Variants in SLC25A30 observed in about 807,000 individuals in gnomAD.
SLC25A30 encodes solute carrier family 25 member 30, also known as kidney mitochondrial carrier protein 1.
A neutral mutation model predicts 42.7 loss-of-function variants in SLC25A30; 29 were observed. That is an observed-to-expected ratio of 0.68 (90% confidence interval 0.51 to 0.93). The LOEUF (loss-of-function observed/expected upper bound fraction) is 0.93. SLC25A30 is among the 40% of genes least tolerant of loss of function. The pLI, the probability that SLC25A30 is intolerant of heterozygous loss-of-function variation, is 0.00. For synonymous variants in SLC25A30, 124 were observed against 131.0 expected (o/e 0.95, Z 0.37); for missense variants, 300 against 359.7 (o/e 0.83, Z 1.34).
chr13:45,395,922 C>T lies in SLC25A30; in HGVS notation c.*52G>A, dbSNP rs372704862. The T allele has an allele frequency of 1.7e-5, 28 of 1,613,898 alleles. No individual in the cohort carries two copies. The highest frequency in any genetic ancestry group is 2.4e-5 in the Non-Finnish European group (28 of 1,179,976). On this transcript the variant is annotated 3_prime_UTR_variant, in exon 10 of 10. Transcript: ENST00000519676. ...GCAGAGTGAAACACAGGAAGCTTTG[C>T]TGTTTCAGAAGTTACCATTTTCAGA...
At chr13:45,406,360 C>CT (rs1381517698) in intron 3 of SLC25A30, among the ~76,000 whole-genome samples, 2 of 152,226 alleles carry the variant, frequency 1.3e-5, no homozygotes, top group Non-Finnish European at 2.9e-5. Context: ...GCATGAGCCA[C>CT]TGCACCCGGC....
chr13:45,396,940 G>A (rs973159996), intron 9 of SLC25A30: 2 of 279,010 alleles, frequency 7.2e-6, no homozygotes, highest in African/African-American at 4.6e-5. Context: ...TTCCCAAGGT[G>A]GCTAGGGCTA....
At chr13:45,396,148 A>G in intron 9 of SLC25A30, 133 bp from the exon 10 acceptor site, 1 of 1,579,784 alleles carries the variant, frequency 6.3e-7, no homozygotes, top group East Asian at 2.3e-5. Context: ...CGATTAAATA[A>G]AAGGGGTTCC....
At chr13:45,400,921 T>A (rs188475892) in intron 7 of SLC25A30, among the ~76,000 whole-genome samples, 162 bp downstream of exon 7, 1 of 152,222 alleles carries the variant, frequency 6.6e-6, no homozygotes, top group Admixed American at 6.5e-5. Context: ...GGAAGATACA[T>A]ATCAAACTGT....
the SLC25A30 span, among the ~76,000 whole-genome samples, chr13:45,425,645 T>C: frequency 9.1e-6 from 1 of 110,130 alleles, no homozygotes; most frequent in Non-Finnish European, 1.9e-5. Flanking sequence ...TATAAATATA[T>C]ATATAAGTAT....
At position 45,402,324 on chromosome 13, in the gene SLC25A30, C is replaced by T; in HGVS notation, c.440G>A (p.Gly147Asp). The change falls in exon 6 of 10, where the codon GGC becomes GAC. Residue 147 changes from glycine (G) to aspartate (D), a missense_variant. Physicochemically the swap from Gly to Asp is moderately conservative, Grantham distance 94. Transcript: ENST00000519676. ...TTGCTGGTAAATGTTCATGAAGTTG[C>T]CTATCATTCCTCCTTGAATGGTGTT... is the stretch of plus-strand genomic sequence containing the variant. ...QSNTIQGGMI[G>D]NFMNIYQQEG... 10 of 1,614,040 alleles carry T rather than the reference C, an allele frequency of 6.2e-6. No homozygotes were observed. Among genetic ancestry groups the T allele is most frequent in the Non-Finnish European group, 8.5e-6 (10 of 1,179,988 alleles).
rs764540042 is a variant in SLC25A30, at chr13:45,396,760, AAGACTC to A, written c.834+492_834+497del. 124 of 159,860 alleles carry A rather than the reference AAGACTC, an allele frequency of 7.8e-4. 1 individual carries two copies. The highest frequency in any genetic ancestry group is 1.0e-3 in the Non-Finnish European group (76 of 73,734). The allele number at this position is 159,860 out of a possible 1,614,324, so 9.9% of individuals were successfully genotyped here. On this transcript the variant is annotated intron_variant, in intron 9 of 9. Transcript: ENST00000519676. ...GTACTCCAGCCTGGGCGACAGAGTA[AAGACTC>A]AGTCTCAAAAACAAAAAAAAAGTTA...
At position 45,394,125 on chromosome 13, in the gene SLC25A30, G is replaced by C; in HGVS notation, c.*1849C>G. On this transcript the variant is annotated 3_prime_UTR_variant, in exon 10 of 10. Coordinates refer to ENST00000519676, the MANE Select transcript of SLC25A30 (RefSeq NM_001010875.4). Reference sequence around the variant, plus strand: ...AGAAAAAATCCTAAGGTGTAGTTTAGAACAAGCAGCAAGGCCTGAATGAGC... The same window carrying C: ...AGAAAAAATCCTAAGGTGTAGTTTACAACAAGCAGCAAGGCCTGAATGAGC... 1 of 985,366 alleles carries C rather than the reference G, an allele frequency of 1.0e-6. No individual in the cohort carries two copies. Among genetic ancestry groups the C allele is most frequent in the Non-Finnish European group, 1.2e-6 (1 of 829,922 alleles). 61.0% of individuals were successfully genotyped at this position (985,366 alleles called of 1,614,324 possible). A position where few individuals can be genotyped will look rare whatever the true frequency, so the allele number is the denominator to read the frequency against.
chr13:45,412,408 G>A (rs1407966764), intron 1 of SLC25A30, among the ~76,000 whole-genome samples: 1 of 152,128 alleles, frequency 6.6e-6, no homozygotes, highest in Non-Finnish European at 1.5e-5. Flanking sequence ...CAGGCTACTT[G>A]TAGTCTACAT....
chr13:45,418,677 G>A (rs1305268142), upstream of SLC25A30: 1 of 152,278 alleles, frequency 6.6e-6, no homozygotes, highest in East Asian at 1.9e-4. Context: ...CCGTGGAAAA[G>A]CAACCTTCGC....
At chr13:45,429,346 G>A in the SLC25A30 span, among the ~76,000 whole-genome samples, 369 of 152,138 alleles carry the variant, frequency 2.4e-3, 1 homozygote, top group African/African-American at 7.5e-3. Flanking sequence ...TAGGATTACA[G>A]GCATGAGCCA....
chr13:45,425,188 ATATATAAATATATG>A, the SLC25A30 span, among the ~76,000 whole-genome samples: 1 of 99,530 alleles, frequency 1.0e-5, no homozygotes, highest in Non-Finnish European at 1.8e-5. Flanking sequence ...ATATATATAC[ATATATAAATATATG>A]TAAGTATATA....
chr13:45,410,396 G>C (rs1191294298), intron 2 of SLC25A30, among the ~76,000 whole-genome samples: 1 of 152,212 alleles, frequency 6.6e-6, no homozygotes, highest in Non-Finnish European at 1.5e-5. Flanking sequence ...TGTGTTTGAG[G>C]CTGAGCATGG....
intron 6 of SLC25A30, among the ~76,000 whole-genome samples, chr13:45,402,059 C>CAAA (rs66565783): frequency 1.2e-3 from 103 of 83,614 alleles, no homozygotes; most frequent in African/African-American, 1.5e-3. Flanking sequence ...GACTCCATCT[C>CAAA]AAAAAAAAAA....
At chr13:45,414,706 T>C (rs1165404211) in intron 1 of SLC25A30, among the ~76,000 whole-genome samples, 1 of 151,762 alleles carries the variant, frequency 6.6e-6, no homozygotes, top group Non-Finnish European at 1.5e-5. Flanking sequence ...AATAAGTAAG[T>C]AGATGTCCAC....
Position 45,411,361 on chromosome 13 carries a change from C to T in SLC25A30, c.64+1G>A, listed in dbSNP as rs777595874. On this transcript the variant is annotated splice_donor_variant, in intron 2 of 9. Coordinates refer to ENST00000519676, the MANE Select transcript of SLC25A30 (RefSeq NM_001010875.4). LOFTEE classifies it high-confidence loss of function. The stretch of plus-strand genomic sequence containing the variant: ...GTGATCCACCACCCTCAGGTCCTTA[C>T]CGCACTCAGCAGTGATGGAGGCCAG... 8 of 1,612,562 alleles carry T rather than the reference C, an allele frequency of 5.0e-6. No homozygotes were observed. The highest frequency in any genetic ancestry group is 6.8e-6 in the Non-Finnish European group (8 of 1,178,544).
chr13:45,425,844 C>T, the SLC25A30 span, among the ~76,000 whole-genome samples: 1 of 145,970 alleles, frequency 6.9e-6, no homozygotes, highest in African/African-American at 2.5e-5. Context: ...AGGTGCCCGC[C>T]AGCATGCCCA....
Position 45,396,015 on chromosome 13 carries a change from A to C in SLC25A30, c.835T>G (p.Phe279Val). 1 of 1,614,184 alleles carries C rather than the reference A, an allele frequency of 6.2e-7. No individual in the cohort carries two copies. The change falls in exon 10 of 10, where the codon TTC (phenylalanine) becomes GTC (valine). Residue 279 changes from phenylalanine (F) to valine (V), a missense_variant and splice_region_variant. Phe to Val is a conservative substitution (Grantham distance 50). Coordinates refer to ENST00000519676, the MANE Select transcript of SLC25A30 (RefSeq NM_001010875.4). ...TTCAACTGCTCGTATGTCACAAAGA[A>C]CTGTGGTTATGGGTTAAGGATGACA... ...WLRLGPWNII[F>V]FVTYEQLKKL...
intron 3 of SLC25A30, 95 bp downstream of exon 3, chr13:45,408,832 A>G (rs1390689731): frequency 9.4e-6 from 11 of 1,176,116 alleles, no homozygotes; most frequent in Non-Finnish European, 1.2e-5. Flanking sequence ...ACACACCTCA[A>G]ACTTTTTACT....
Sources: gnomAD v4.1 joint callset for allele counts (sites outside exome capture counted in the v4.1 genomes callset) on GRCh38, gnomAD v4.1.1 for gene constraint, MANE v1.5 for transcripts, NCBI Gene and HGNC (gene_info 2026-07-23, HGNC 2026-07-21) for gene names.